The following SEPTIN7 variants were observed in gnomAD, a reference collection of about 807,000 sequenced individuals.
SEPTIN7 encodes septin-7.
A neutral mutation model predicts 63.3 loss-of-function variants in SEPTIN7; 10 were observed. That is an observed-to-expected ratio of 0.16 (90% CI 0.10 to 0.27). SEPTIN7 has a LOEUF of 0.27. SEPTIN7 is among the 10% of genes least tolerant of loss of function. SEPTIN7 has a pLI of 1.00. For synonymous variants in SEPTIN7, 131 were observed against 165.3 expected, an observed-to-expected ratio of 0.79 and a Z score of 1.59; for missense variants, 310 against 521.0, an observed-to-expected ratio of 0.59 and a Z score of 3.94.
At chr7:35,908,147 T>G (rs1178012028), downstream of SEPTIN7, among the ~76,000 whole-genome samples, 1 of 152,186 alleles carries the variant, frequency 6.6e-6, no homozygotes, top group East Asian at 1.9e-4. Context: ...CACCATTCTT[T>G]GTAAGTAATG....
At chr7:35,852,396 AT>A (rs1377133186) in intron 3 of SEPTIN7, among the ~76,000 whole-genome samples, 2 of 151,744 alleles carry the variant, frequency 1.3e-5, no homozygotes, top group East Asian at 3.9e-4. Context: ...TCTTACAATT[AT>A]TGGTACTTTT....
rs1405637225 is a variant in SEPTIN7 at position 35,906,962 on chromosome 7, T to C, written c.*2669T>C. ...TCATGGTCTCCAAACCTGATGCTAT[T>C]TCCTTACAAAAATATTTGTTGAGCA... On this transcript the variant is annotated 3_prime_UTR_variant, in exon 14 of 14. Coordinates refer to ENST00000350320, the MANE Select transcript of SEPTIN7 (RefSeq NM_001788.6). The C allele has an allele frequency of 1.3e-5, 2 of 152,256 alleles. No individual in the cohort carries two copies. The highest frequency in any genetic ancestry group is 2.9e-5 in the Non-Finnish European group (2 of 68,050). 9.4% of individuals were successfully genotyped at this position (152,256 alleles called of 1,614,324 possible). A position where few individuals can be genotyped will look rare whatever the true frequency, so the allele number is the denominator to read the frequency against.
rs1360034890 is a variant in SEPTIN7 at position 35,801,167 on chromosome 7, C to G, written c.-43C>G. 1 of 1,450,738 alleles carries G rather than the reference C, an allele frequency of 6.9e-7. No homozygotes were observed. 89.9% of individuals were successfully genotyped at this position (1,450,738 alleles called of 1,614,324 possible). On this transcript the variant is annotated 5_prime_UTR_variant, in exon 1 of 14. Coordinates refer to ENST00000350320, the MANE Select transcript of SEPTIN7 (RefSeq NM_001788.6). ...GGCGTAGGCGCCTTTGGAGAATCGGCGGGCTGCGCTCCGCTGGGGCTGGTC... is the reference window on the plus strand; with the variant it reads ...GGCGTAGGCGCCTTTGGAGAATCGGGGGGCTGCGCTCCGCTGGGGCTGGTC...
At chr7:35,874,362 C>A (rs1786341135) in intron 6 of SEPTIN7, among the ~76,000 whole-genome samples, 1 of 152,026 alleles carries the variant, frequency 6.6e-6, no homozygotes, top group South Asian at 2.1e-4. Flanking sequence ...TCTGATTGTT[C>A]TGTTTGTTAT....
At chr7:35,844,033 A>G (rs1784536508) in intron 3 of SEPTIN7, among the ~76,000 whole-genome samples, 1 of 152,226 alleles carries the variant, frequency 6.6e-6, no homozygotes, top group African/African-American at 2.4e-5. Context: ...GCTCTTTCAT[A>G]GCATGCTTGT....
intron 1 of SEPTIN7, among the ~76,000 whole-genome samples, chr7:35,816,501 T>C (rs1460490916): frequency 6.6e-6 from 1 of 152,192 alleles, no homozygotes; most frequent in Non-Finnish European, 1.5e-5. Context: ...TGTTTTCTAC[T>C]TTTTGACTAT....
At chr7:35,868,135 G>T (rs1269142763) in intron 4 of SEPTIN7, among the ~76,000 whole-genome samples, 2 of 152,132 alleles carry the variant, frequency 1.3e-5, no homozygotes, top group African/African-American at 2.4e-5. Context: ...CTCCGAAAGC[G>T]CTGGGATTAC....
At chr7:35,854,887 C>A (rs1486896719) in intron 3 of SEPTIN7, among the ~76,000 whole-genome samples, 3 of 151,970 alleles carry the variant, frequency 2.0e-5, no homozygotes, top group Non-Finnish European at 4.4e-5. Flanking sequence ...GAAATAAACA[C>A]TGTTACAAAG....
intron 10 of SEPTIN7, among the ~76,000 whole-genome samples, chr7:35,887,202 C>T (rs1451961935): frequency 6.6e-6 from 1 of 152,222 alleles, no homozygotes; most frequent in African/African-American, 2.4e-5. Flanking sequence ...TTTACCATTG[C>T]ATTCCTCTTG....
At chr7:35,915,136 C>CATATACACATGTATACATGTGTACAT in the SEPTIN7 span, among the ~76,000 whole-genome samples, 37 of 151,268 alleles carry the variant, frequency 2.4e-4, no homozygotes, top group Middle Eastern at 6.9e-3. Flanking sequence ...TATATACATG[C>CATATACACATGTATACATGTGTACAT]ATATACACAT....
chr7:35,865,220 A>G (rs1562559575), intron 4 of SEPTIN7, among the ~76,000 whole-genome samples: 1 of 152,118 alleles, frequency 6.6e-6, no homozygotes, highest in Non-Finnish European at 1.5e-5. Flanking sequence ...GTATTTATGA[A>G]TTTAGATATG....
intron 3 of SEPTIN7, chr7:35,847,566 C>G (rs1450156443): frequency 2.6e-5 from 4 of 152,090 alleles, no homozygotes; most frequent in Non-Finnish European, 5.9e-5. Flanking sequence ...AAGTACTGTT[C>G]TTTATTTGGA....
intron 3 of SEPTIN7, among the ~76,000 whole-genome samples, chr7:35,861,836 G>T (rs1221534195): frequency 6.6e-6 from 1 of 152,182 alleles, no homozygotes; most frequent in Non-Finnish European, 1.5e-5. Flanking sequence ...TTGGGAATTG[G>T]TTTGCTGCCT....
At chr7:35,881,292 G>GT (rs1786860878) in intron 7 of SEPTIN7, among the ~76,000 whole-genome samples, 1 of 151,176 alleles carries the variant, frequency 6.6e-6, no homozygotes, top group Admixed American at 6.6e-5. Flanking sequence ...ATTTCTTTTT[G>GT]TTTATTATGT....
intron 4 of SEPTIN7, 117 bp from the exon 5 acceptor site, chr7:35,872,549 G>A (rs776565412): frequency 1.7e-5 from 12 of 715,484 alleles, no homozygotes; most frequent in African/African-American, 3.5e-5. Flanking sequence ...GGTAGATTTA[G>A]TTTGCTAACA....
chr7:35,828,963 A>G (rs998545973), intron 1 of SEPTIN7, among the ~76,000 whole-genome samples: 67 of 152,072 alleles, frequency 4.4e-4, no homozygotes, highest in Admixed American at 3.7e-3. Context: ...TCACTTGCCT[A>G]TGAAAAACTC....
chr7:35,832,969 A>G (rs1173339582), intron 3 of SEPTIN7, 69 bp downstream of exon 3: 1 of 867,046 alleles, frequency 1.2e-6, no homozygotes, highest in African/African-American at 1.7e-5. Context: ...CTCTGAATAG[A>G]TTTAAGAAAA....
the SEPTIN7 span, among the ~76,000 whole-genome samples, chr7:35,914,087 C>T: frequency 2.9e-4 from 44 of 152,202 alleles, no homozygotes; most frequent in South Asian, 5.0e-3. Context: ...TAAGGAAATA[C>T]GTCTAAGCAT....
At chr7:35,828,795 C>G (rs1378890354) in intron 1 of SEPTIN7, among the ~76,000 whole-genome samples, 1 of 151,198 alleles carries the variant, frequency 6.6e-6, no homozygotes, top group Non-Finnish European at 1.5e-5. Flanking sequence ...ATTTCTCACT[C>G]TGTTGTCCAG....
Sources: gnomAD v4.1 joint callset for allele counts (sites outside exome capture counted in the v4.1 genomes callset) on GRCh38, gnomAD v4.1.1 for gene constraint, MANE v1.5 for transcripts, NCBI Gene and HGNC (gene_info 2026-07-23, HGNC 2026-07-21) for gene names.